RMST: variants seen among roughly 807,000 people sequenced by gnomAD.
RMST encodes long intergenic non-protein coding RNA 54.
At chr12:97,480,282 G>C (rs1244848599) in intron 5 of RMST, among the ~76,000 whole-genome samples, 1 of 151,840 alleles carries the variant, frequency 6.6e-6, no homozygotes, top group East Asian at 1.9e-4. Context: ...AGTAGAGACG[G>C]GGTTTCACCG....
At chr12:97,469,935 G>C (rs552442404) in intron 5 of RMST, among the ~76,000 whole-genome samples, 1 of 152,140 alleles carries the variant, frequency 6.6e-6, no homozygotes, top group Admixed American at 6.6e-5. Flanking sequence ...ATACCATTTG[G>C]CTTCAGTCCT....
chr12:97,545,733 G>A (rs184078763), intron 11 of RMST, among the ~76,000 whole-genome samples: 6 of 152,178 alleles, frequency 3.9e-5, no homozygotes, highest in Admixed American at 3.9e-4. Flanking sequence ...CAGAAATATG[G>A]CAGGTTATGG....
chr12:97,531,379 T>G (rs149003084), intron 11 of RMST, among the ~76,000 whole-genome samples: 1 of 152,148 alleles, frequency 6.6e-6, no homozygotes, highest in Non-Finnish European at 1.5e-5. Context: ...TAAAACAACA[T>G]TTATAAAGAC....
intron 5 of RMST, among the ~76,000 whole-genome samples, chr12:97,469,820 C>G (rs1262670451): frequency 6.6e-6 from 1 of 152,070 alleles, no homozygotes; most frequent in East Asian, 1.9e-4. Flanking sequence ...ATACAGGTAC[C>G]TCACAACTAC....
chr12:97,523,866 A>G (rs1880770276), intron 10 of RMST, among the ~76,000 whole-genome samples: 1 of 151,984 alleles, frequency 6.6e-6, no homozygotes, highest in Admixed American at 6.6e-5. Context: ...TCACGAGGTC[A>G]GGAGATCCAG....
intron 10 of RMST, among the ~76,000 whole-genome samples, chr12:97,520,378 C>A (rs984233389): frequency 6.6e-6 from 1 of 152,156 alleles, no homozygotes; most frequent in African/African-American, 2.4e-5. Context: ...GGGCTCTGAG[C>A]CTCAGCTGGA....
intron 11 of RMST, among the ~76,000 whole-genome samples, chr12:97,544,890 A>T (rs1484558441): frequency 6.6e-6 from 1 of 152,080 alleles, no homozygotes; most frequent in Non-Finnish European, 1.5e-5. Flanking sequence ...TTCTGCCCCC[A>T]CTAACAGAAT....
chr12:97,564,105 G>A (rs1884356232), intron 13 of RMST: 5 of 309,484 alleles, frequency 1.6e-5, no homozygotes, highest in South Asian at 1.5e-4. Context: ...ATTTGGGTTT[G>A]CACATTTTTG....
exon 14 of RMST, chr12:97,564,817 C>T (rs950164527): frequency 2.6e-5 from 4 of 152,180 alleles, no homozygotes; most frequent in African/African-American, 9.7e-5. Context: ...TCTAGTTGCA[C>T]CTCCTTTCCG....
intron 5 of RMST, among the ~76,000 whole-genome samples, chr12:97,476,122 A>G (rs1874528835): frequency 6.6e-6 from 1 of 152,198 alleles, no homozygotes. Flanking sequence ...ATGCTAGTCT[A>G]TAAGGCAATT....
intron 7 of RMST, among the ~76,000 whole-genome samples, chr12:97,493,581 G>T (rs765490847): frequency 5.4e-4 from 82 of 152,014 alleles, no homozygotes; most frequent in Non-Finnish European, 1.1e-3. Context: ...TGATTTCCAC[G>T]TGGAATACTT....
chr12:97,516,857 A>G (rs1879989302), intron 10 of RMST, among the ~76,000 whole-genome samples: 1 of 152,040 alleles, frequency 6.6e-6, no homozygotes. Flanking sequence ...AATTGCTGTA[A>G]AATTACTTCC....
chr12:97,551,090 C>T (rs1008968228), intron 11 of RMST, among the ~76,000 whole-genome samples: 1 of 150,870 alleles, frequency 6.6e-6, no homozygotes. Context: ...TACAACACCA[C>T]AATATGCTCT....
chr12:97,549,170 T>TCCATAA (rs1413755861), intron 11 of RMST, among the ~76,000 whole-genome samples: 1 of 152,220 alleles, frequency 6.6e-6, no homozygotes, highest in Admixed American at 6.5e-5. Context: ...CATAAGAAGT[T>TCCATAA]GAAATCTCCT....
intron 11 of RMST, among the ~76,000 whole-genome samples, chr12:97,546,778 C>T (rs1433548037): frequency 2.0e-5 from 3 of 151,978 alleles, no homozygotes; most frequent in Admixed American, 1.3e-4. Context: ...TTAACATATA[C>T]ATTATCTCAC....
At chr12:97,532,716 G>A (rs1317668986) in intron 11 of RMST, 1 of 140,960 alleles carries the variant, frequency 7.1e-6, no homozygotes, top group Non-Finnish European at 1.5e-5. Flanking sequence ...TCTTGTCAGA[G>A]TTTCAAAGGA....
chr12:97,552,455 A>G (rs1218409508), intron 11 of RMST, among the ~76,000 whole-genome samples: 1 of 152,154 alleles, frequency 6.6e-6, no homozygotes, highest in Non-Finnish European at 1.5e-5. Flanking sequence ...TTTACCTTGG[A>G]GGGCATTTAT....
intron 6 of RMST, chr12:97,492,839 A>G (rs893128905): frequency 2.0e-5 from 3 of 152,132 alleles, no homozygotes; most frequent in Admixed American, 6.6e-5. Flanking sequence ...ATGATTGTAT[A>G]TTTTTATTTT....
intron 10 of RMST, among the ~76,000 whole-genome samples, chr12:97,498,027 CA>C (rs1196394584): frequency 6.6e-6 from 1 of 152,078 alleles, no homozygotes; most frequent in African/African-American, 2.4e-5. Flanking sequence ...CAGACTAGTC[CA>C]AATTTTTCAA....
Sources: gnomAD v4.1 joint callset for allele counts (sites outside exome capture counted in the v4.1 genomes callset) on GRCh38, gnomAD v4.1.1 for gene constraint, MANE v1.5 for transcripts, NCBI Gene and HGNC (gene_info 2026-07-23, HGNC 2026-07-21) for gene names.